PSMD5: variants seen among roughly 807,000 people sequenced by gnomAD.
The protein encoded by PSMD5 is 26S proteasome non-ATPase regulatory subunit 5.
PSMD5 carries 40 observed loss-of-function variants against 52.1 expected under a neutral mutation model. The ratio of observed to expected loss-of-function variants is 0.77; its 90% CI spans 0.60 to 1.00. The LOEUF is 1.00. PSMD5 is among the 50% of genes least tolerant of loss of function. The probability of loss-of-function intolerance (pLI) is 0.00; values close to 1 mark genes in which losing one functional copy is unlikely to be tolerated. For synonymous variants in PSMD5, 211 were observed against 226.6 expected (o/e 0.93, Z 0.62); for missense variants, 575 against 605.2 (o/e 0.95, Z 0.52).
intron 4 of PSMD5, among the ~76,000 whole-genome samples, chr9:120,829,900 T>C (rs1367196098): frequency 3.3e-5 from 5 of 152,178 alleles, no homozygotes; most frequent in Non-Finnish European, 7.3e-5. Context: ...CTGAGAGATA[T>C]AGGAAGACAC....
At position 120,842,628 on chromosome 9, in the gene PSMD5, T is replaced by C. The variant is rs1008175839; in HGVS notation, c.173+109A>G. ...TCCTTCTCTGCAAATTTCGGCTACT[T>C]TCCACCTCCCCTGTGACTGGGAAAA... On this transcript the variant is annotated intron_variant, in intron 1 of 9. Transcript: ENST00000210313. The C allele has an allele frequency of 1.3e-5, 18 of 1,389,740 alleles. No individual in the cohort carries two copies. In the South Asian group the frequency reaches 1.8e-4, roughly 14 times the overall value. 86.1% of individuals were successfully genotyped at this position (1,389,740 alleles called of 1,614,324 possible). A position where few individuals can be genotyped will look rare whatever the true frequency, so the allele number is the denominator to read the frequency against.
chr9:120,827,890 G>A (rs771817876), intron 5 of PSMD5, among the ~76,000 whole-genome samples: 2 of 152,244 alleles, frequency 1.3e-5, no homozygotes, highest in Non-Finnish European at 2.9e-5. Flanking sequence ...GATATTAAAG[G>A]GGATTTAGGG....
chr9:120,824,431 A>T lies in PSMD5; in HGVS notation c.1006+63T>A, dbSNP rs749599444. The T allele has an allele frequency of 1.6e-5, 25 of 1,521,438 alleles. No homozygotes were observed. The South Asian group carries it at 1.7e-4, about 10-fold the overall frequency. The allele number at this position is 1,521,438 out of a possible 1,614,324, so 94.2% of individuals were successfully genotyped here. On this transcript the variant is annotated intron_variant, in intron 7 of 9. Transcript: ENST00000210313. The stretch of plus-strand genomic sequence containing the variant: ...ATGTAGTTAACCCACCAGCAAATGA[A>T]CTTACATATTGAACCCCTGTCAAAG...
At chr9:120,819,835 CA>C (rs112375425) in intron 9 of PSMD5, among the ~76,000 whole-genome samples, 2,196 of 144,734 alleles carry the variant, frequency 0.015, 63 homozygotes, top group African/African-American at 0.051. Context: ...GACTCTGTCT[CA>C]AAAAAAAAAA....
At chr9:120,833,255 G>A (rs1034251783) in intron 2 of PSMD5, 57 bp downstream of exon 2, 22 of 1,562,698 alleles carry the variant, frequency 1.4e-5, no homozygotes, top group African/African-American at 2.7e-5. Context: ...TTCTGTCCCA[G>A]TGCAGAACCT....
At chr9:120,839,798 C>CTT (rs5900462) in intron 1 of PSMD5, among the ~76,000 whole-genome samples, 80 of 78,510 alleles carry the variant, frequency 1.0e-3, no homozygotes, top group East Asian at 1.8e-3. Flanking sequence ...TTTTTTTAAT[C>CTT]TTTTTTTTTT....
At chr9:120,825,663 A>G (rs900905766) in intron 6 of PSMD5, among the ~76,000 whole-genome samples, 2 of 151,786 alleles carry the variant, frequency 1.3e-5, no homozygotes, top group Admixed American at 6.6e-5. Flanking sequence ...TAAATATTTA[A>G]TTTTTTTTGA....
intron 5 of PSMD5, among the ~76,000 whole-genome samples, 185 bp from the exon 6 acceptor site, chr9:120,827,092 A>G (rs2045128188): frequency 6.6e-6 from 1 of 152,198 alleles, no homozygotes; most frequent in Non-Finnish European, 1.5e-5. Flanking sequence ...CTGTAATCAT[A>G]TTGTTATTAT....
intron 1 of PSMD5, among the ~76,000 whole-genome samples, chr9:120,839,798 CTTTTTTT>C (rs5900462): frequency 3.8e-5 from 3 of 78,542 alleles, no homozygotes; most frequent in Non-Finnish European, 7.6e-5. Context: ...TTTTTTTAAT[CTTTTTTT>C]TTTTTTTTTT....
rs539041353 is a variant in PSMD5 at position 120,832,179 on chromosome 9, G to C, written c.319-234C>G. 3.3e-5 allele frequency among the ~76,000 whole-genome samples: 5 copies of C among 152,324 alleles called. No individual in the cohort carries two copies. In the South Asian group the frequency reaches 1.0e-3, roughly 32 times the overall value. ...GTGGGTAAAGAGGTAAGATAGTTCAGTGAGTGAAAACAATACAAACCCAGC... is the reference window on the plus strand; with the variant it reads ...GTGGGTAAAGAGGTAAGATAGTTCACTGAGTGAAAACAATACAAACCCAGC... On this transcript the variant is annotated intron_variant, in intron 2 of 9. Transcript: ENST00000210313.
chr9:120,821,440 A>G lies in PSMD5; in HGVS notation c.1031T>C (p.Met344Thr). 6.2e-7 allele frequency: 1 copy of G among 1,600,712 alleles called. No individual in the cohort carries two copies. Among genetic ancestry groups the G allele is most frequent in the East Asian group, 2.2e-5 (1 of 44,802 alleles). Residue 344 changes from methionine (M) to threonine (T), a missense_variant, in exon 8 of 10, where the codon ATG (methionine) becomes ACG (threonine). Met to Thr is a moderately conservative substitution (Grantham distance 81). Coordinates refer to ENST00000210313, the MANE Select transcript of PSMD5 (RefSeq NM_005047.4). Reference sequence around the variant, plus strand: ...ATTCTTTGATTGATGTCCTATTCTCATAAGCAAGCGTTCAAAGCGAGTTCC... The same window carrying G: ...ATTCTTTGATTGATGTCCTATTCTCGTAAGCAAGCGTTCAAAGCGAGTTCC... ...KTGTRFERLL[M>T]RIGHQSKNAP...
At position 120,817,077 on chromosome 9, in the gene PSMD5, A is replaced by G. The variant is rs2045047908; in HGVS notation, c.*829T>C. 1 of 152,222 alleles carries G rather than the reference A, an allele frequency of 6.6e-6. No individual in the cohort carries two copies. Among genetic ancestry groups the G allele is most frequent in the South Asian group, 2.1e-4 (1 of 4,832 alleles). The allele number at this position is 152,222 out of a possible 1,614,324, so 9.4% of individuals were successfully genotyped here. A position where few individuals can be genotyped will look rare whatever the true frequency, so the allele number is the denominator to read the frequency against. On this transcript the variant is annotated 3_prime_UTR_variant, in exon 10 of 10. Coordinates refer to ENST00000210313, the MANE Select transcript of PSMD5 (RefSeq NM_005047.4). ...ATTTTGTCTTTTTTTCAAAGGAATA[A>G]TAGTAACAAAAAAACAAGAGAGCTC...
chr9:120,835,692 G>A (rs1030205351), intron 1 of PSMD5, among the ~76,000 whole-genome samples: 5 of 151,602 alleles, frequency 3.3e-5, no homozygotes, highest in Non-Finnish European at 1.5e-5. Context: ...TAGCGCCATC[G>A]CACTCCAGCC....
At chr9:120,838,533 A>G (rs988912927) in intron 1 of PSMD5, among the ~76,000 whole-genome samples, 3 of 152,252 alleles carry the variant, frequency 2.0e-5, no homozygotes, top group African/African-American at 7.2e-5. Context: ...CCAGGATAAC[A>G]GCAAAGTATC....
chr9:120,824,303 CAA>C (rs35903891), intron 7 of PSMD5, 189 bp downstream of exon 7: 36,090 of 433,294 alleles, frequency 0.083, 3 homozygotes, highest in Non-Finnish European at 0.088. Flanking sequence ...AGTGAAAAGT[CAA>C]AAAAAAAAAA....
At chr9:120,831,010 A>G (rs1330461899) in intron 4 of PSMD5, among the ~76,000 whole-genome samples, 1 of 152,032 alleles carries the variant, frequency 6.6e-6, no homozygotes, top group Non-Finnish European at 1.5e-5. Flanking sequence ...CAACCTCCTG[A>G]GTAGCTGGGA....
In PSMD5 at chr9:120,817,925, G is replaced by A. The variant is rs759594315; in HGVS notation, c.1496C>T (p.Ala499Val). The change falls in exon 10 of 10, where the codon GCA becomes GTA. Residue 499 changes from alanine to valine, a missense_variant. Transcript: ENST00000210313. ...AAGAAATCATTCGGCTCCTTCTACT[G>A]CTGTCGTGGAAACAGGTTTCACATA... ...PYYVKPVSTTAVEGAE is the reference protein window; with the variant it reads ...PYYVKPVSTTVVEGAE 5 of 1,612,848 alleles carry A rather than the reference G, an allele frequency of 3.1e-6. No individual in the cohort carries two copies. The highest frequency in any genetic ancestry group is 4.2e-6 in the Non-Finnish European group (5 of 1,179,034).
chr9:120,833,488 A>G, intron 1 of PSMD5, 32 bp from the exon 2 acceptor site: 1 of 1,595,802 alleles, frequency 6.3e-7, no homozygotes, highest in Non-Finnish European at 8.6e-7. Flanking sequence ...TTATTAGTTC[A>G]TATCCTGCCC....
intron 1 of PSMD5, among the ~76,000 whole-genome samples, chr9:120,840,135 A>T (rs1453583243): frequency 1.3e-5 from 2 of 150,078 alleles, no homozygotes; most frequent in African/African-American, 4.9e-5. Context: ...TCAAAAAAAA[A>T]AAAAAAAAAA....
Sources: allele counts gnomAD v4.1 joint callset (sites outside exome capture counted in the v4.1 genomes callset), GRCh38; gene constraint gnomAD v4.1.1; transcripts MANE v1.5; gene names NCBI Gene and HGNC (gene_info 2026-07-23, HGNC 2026-07-21).